Variants in SMAD2 observed in about 807,000 individuals in gnomAD.
SMAD2 encodes MAD homolog 2.
In SMAD2, 8 loss-of-function variants were observed where a neutral mutation model predicts 64.4. That is an observed-to-expected ratio of 0.12 (90% confidence interval 0.07 to 0.22). SMAD2 has a LOEUF of 0.22. Among genes scored for constraint, SMAD2 ranks in the 10% least tolerant of loss-of-function variants. The pLI is 1.00. For synonymous variants in SMAD2, 203 were observed against 195.8 expected, an observed-to-expected ratio of 1.04 and a Z score of -0.31; for missense variants, 289 against 561.2, an observed-to-expected ratio of 0.51 and a Z score of 4.90.
chr18:47,921,675 A>C (rs2034566754), intron 1 of SMAD2, among the ~76,000 whole-genome samples: 1 of 152,162 alleles, frequency 6.6e-6, no homozygotes, highest in South Asian at 2.1e-4. Flanking sequence ...CAGTTCCCAC[A>C]GTTCTGTCTC....
Position 47,821,729 on chromosome 18 carries a change from T to A in SMAD2, c.*20098A>T, listed in dbSNP as rs964275955. 1 of 152,218 alleles carries A rather than the reference T, an allele frequency of 6.6e-6. No homozygotes were observed. Among genetic ancestry groups the A allele is most frequent in the Admixed American group, 6.5e-5 (1 of 15,284 alleles). 9.4% of individuals were successfully genotyped at this position (152,218 alleles called of 1,614,324 possible). On this transcript the variant is annotated 3_prime_UTR_variant, in exon 11 of 11. Coordinates refer to ENST00000262160, the MANE Select transcript of SMAD2 (RefSeq NM_005901.6). Reference sequence around the variant, plus strand: ...GGCAACTGGCCTAAGAAAAATTTTATGTTCTATCAAGATAAATTCTTGTGT... The same window carrying A: ...GGCAACTGGCCTAAGAAAAATTTTAAGTTCTATCAAGATAAATTCTTGTGT...
At chr18:47,903,886 G>C (rs1296979630) in intron 1 of SMAD2, among the ~76,000 whole-genome samples, 2 of 132,562 alleles carry the variant, frequency 1.5e-5, no homozygotes, top group African/African-American at 2.7e-5. Flanking sequence ...TGGGGGGGGG[G>C]GGGACTCAGA....
At position 47,872,215 on chromosome 18, in the gene SMAD2, A is replaced by G. The variant is rs1401972156; in HGVS notation, c.237-1651T>C. Reference sequence around the variant, plus strand: ...CAGTTCCATCATTATCATGCCTAACAAAATTGGAAGGTTTATTTTAAAACA... The same window carrying G: ...CAGTTCCATCATTATCATGCCTAACGAAATTGGAAGGTTTATTTTAAAACA... On this transcript the variant is annotated intron_variant, in intron 2 of 10. Coordinates refer to ENST00000262160, the MANE Select transcript of SMAD2 (RefSeq NM_005901.6). Among the ~76,000 whole-genome samples the G allele has an allele frequency of 2.0e-5, 3 of 152,152 alleles. No individual in the cohort carries two copies. The East Asian group carries it at 5.8e-4, about 29-fold the overall frequency.
intron 6 of SMAD2, among the ~76,000 whole-genome samples, chr18:47,852,215 CTA>C (rs2030176774): frequency 6.6e-6 from 1 of 152,072 alleles, no homozygotes; most frequent in Non-Finnish European, 1.5e-5. Flanking sequence ...ATGGTATGAG[CTA>C]CAAATATTTA....
At chr18:47,870,703 G>A in intron 2 of SMAD2, 139 bp from the exon 3 acceptor site, 2 of 718,094 alleles carry the variant, frequency 2.8e-6, no homozygotes, top group Middle Eastern at 2.9e-4. Context: ...TTTTTCACAG[G>A]CATGTAGTGC....
At chr18:47,921,884 G>A (rs1039717102) in intron 1 of SMAD2, among the ~76,000 whole-genome samples, 2 of 152,138 alleles carry the variant, frequency 1.3e-5, no homozygotes, top group African/African-American at 4.8e-5. Context: ...TTTACAGTAA[G>A]AAGAATGGGC....
chr18:47,867,478 T>C (rs1317187497), intron 5 of SMAD2: 1 of 152,016 alleles, frequency 6.6e-6, no homozygotes, highest in Non-Finnish European at 1.5e-5. Context: ...TTAAGTTCCT[T>C]ACATATTTTT....
Position 47,823,565 on chromosome 18 carries a change from A to G in SMAD2, c.*18262T>C, listed in dbSNP as rs1912645333. 6.6e-6 allele frequency: 1 copy of G among 152,296 alleles called. No individual in the cohort carries two copies. Among genetic ancestry groups the G allele is most frequent in the Middle Eastern group, 3.4e-3 (1 of 294 alleles). 9.4% of individuals were successfully genotyped at this position (152,296 alleles called of 1,614,324 possible). Reference sequence around the variant, plus strand: ...ATAAGCTAAGATGTGATTAATTTTTAAAGGAGCAAGTCTCATGCTGATGTA... The same window carrying G: ...ATAAGCTAAGATGTGATTAATTTTTGAAGGAGCAAGTCTCATGCTGATGTA... On this transcript the variant is annotated 3_prime_UTR_variant, in exon 11 of 11. Transcript: ENST00000262160.
rs769257130 is a variant in SMAD2 at position 47,848,705 on chromosome 18, A to G, written c.785-18T>C. 5.8e-6 allele frequency: 9 copies of G among 1,549,028 alleles called. No individual in the cohort carries two copies. Among genetic ancestry groups the G allele is most frequent in the Non-Finnish European group, 6.2e-6 (7 of 1,128,806 alleles). On this transcript the variant is annotated intron_variant, in intron 7 of 10. Transcript: ENST00000262160. Reference sequence around the variant, plus strand: ...CTGTAAATCTGAAAAAGAAAAAAATAAAAAAATAATAAAAGGAAGAAATGC... The same window carrying G: ...CTGTAAATCTGAAAAAGAAAAAAATGAAAAAATAATAAAAGGAAGAAATGC...
At chr18:47,859,086 T>G (rs954105651) in intron 6 of SMAD2, among the ~76,000 whole-genome samples, 6 of 151,988 alleles carry the variant, frequency 3.9e-5, no homozygotes, top group African/African-American at 1.4e-4. Flanking sequence ...AGAAAGAAGA[T>G]ATGGTGATGT....
At position 47,850,510 on chromosome 18, in the gene SMAD2, A is replaced by G. The variant is rs180927024; in HGVS notation, c.784+764T>C. On this transcript the variant is annotated intron_variant, in intron 7 of 10. Transcript: ENST00000262160. ...ATATTATGTATAATATATGTTATAT[A>G]TATAATATATATTATGTATAATATA... Among the ~76,000 whole-genome samples, 59 of 35,298 alleles carry G rather than the reference A, an allele frequency of 1.7e-3. 1 individual carries two copies. The highest frequency in any genetic ancestry group is 8.6e-3 in the African/African-American group (59 of 6,886). 23.2% of individuals were successfully genotyped at this position (35,298 alleles called of 152,430 possible).
chr18:47,869,547 G>T (rs2031805909), intron 3 of SMAD2, 111 bp from the exon 4 acceptor site: 1 of 772,516 alleles, frequency 1.3e-6, no homozygotes, highest in Non-Finnish European at 2.1e-6. Flanking sequence ...AAGAATGACA[G>T]CCATTTAGTT....
At chr18:47,843,267 CT>C (rs1224916254) in intron 10 of SMAD2, among the ~76,000 whole-genome samples, 1 of 152,190 alleles carries the variant, frequency 6.6e-6, no homozygotes, top group East Asian at 1.9e-4. Context: ...TTCTGTTCCC[CT>C]GGGTAGGATA....
At chr18:47,880,909 T>A (rs1238858135) in intron 2 of SMAD2, among the ~76,000 whole-genome samples, 1 of 152,176 alleles carries the variant, frequency 6.6e-6, no homozygotes, top group African/African-American at 2.4e-5. Flanking sequence ...GCAAAGTTTG[T>A]AGGCAGAATC....
In SMAD2 at chr18:47,834,296, G is replaced by A; in HGVS notation, c.*7531C>T. 4.8e-6 allele frequency: 1 copy of A among 209,684 alleles called. No homozygotes were observed. Among genetic ancestry groups the A allele is most frequent in the Non-Finnish European group, 9.7e-6 (1 of 103,116 alleles). The allele number at this position is 209,684 out of a possible 1,614,324, so 13.0% of individuals were successfully genotyped here. The stretch of plus-strand genomic sequence containing the variant: ...TACAAGATTAAAAATCAGAGCAAAT[G>A]AATTTCTTAAGTTCAAGATATGTAC... On this transcript the variant is annotated 3_prime_UTR_variant, in exon 11 of 11. Coordinates refer to ENST00000262160, the MANE Select transcript of SMAD2 (RefSeq NM_005901.6).
intron 1 of SMAD2, among the ~76,000 whole-genome samples, chr18:47,928,444 G>A (rs1052129871): frequency 6.6e-6 from 1 of 152,220 alleles, no homozygotes; most frequent in Non-Finnish European, 1.5e-5. Flanking sequence ...ATGTGAAAAT[G>A]AAAAGGGGAC....
rs1336053694 is a variant in SMAD2 at position 47,827,599 on chromosome 18, G to C, written c.*14228C>G. 2 of 155,558 alleles carry C rather than the reference G, an allele frequency of 1.3e-5. No individual in the cohort carries two copies. The highest frequency in any genetic ancestry group is 4.8e-5 in the African/African-American group (2 of 41,504). 9.6% of individuals were successfully genotyped at this position (155,558 alleles called of 1,614,324 possible). On this transcript the variant is annotated 3_prime_UTR_variant, in exon 11 of 11. Coordinates refer to ENST00000262160, the MANE Select transcript of SMAD2 (RefSeq NM_005901.6). ...CTCCCTGCCTGATTCTCCTGCCTCA[G>C]CCTGCCGAGTGCCTGGGATTGCAGA...
chr18:47,878,459 T>C (rs1361197600), intron 2 of SMAD2: 6 of 152,024 alleles, frequency 3.9e-5, no homozygotes, highest in Admixed American at 2.0e-4. Flanking sequence ...TGAGACCCCA[T>C]CTCTACAAAA....
rs1912475652 is a variant in SMAD2 at position 47,819,139 on chromosome 18, A to T, written c.*22688T>A. On this transcript the variant is annotated 3_prime_UTR_variant, in exon 11 of 11. Transcript: ENST00000262160. Reference sequence around the variant, plus strand: ...AATTAACACAAGTGCCTTTTAGTTAATATAACTTAAACATCTGATAAGCTG... The same window carrying T: ...AATTAACACAAGTGCCTTTTAGTTATTATAACTTAAACATCTGATAAGCTG... 6.6e-6 allele frequency: 1 copy of T among 152,248 alleles called. No individual in the cohort carries two copies. The highest frequency in any genetic ancestry group is 6.5e-5 in the Admixed American group (1 of 15,284). 9.4% of individuals were successfully genotyped at this position (152,248 alleles called of 1,614,324 possible).
Sources: allele counts gnomAD v4.1 joint callset (sites outside exome capture counted in the v4.1 genomes callset), GRCh38; gene constraint gnomAD v4.1.1; transcripts MANE v1.5; gene names NCBI Gene and HGNC (gene_info 2026-07-23, HGNC 2026-07-21).